TAFA1: variants seen among roughly 807,000 people sequenced by gnomAD.
TAFA1 encodes TAFA chemokine like family member 1.
In TAFA1, 4 loss-of-function variants were observed where a neutral mutation model predicts 18.5. That is an observed-to-expected ratio of 0.22 (90% CI 0.11 to 0.49). The LOEUF (loss-of-function observed/expected upper bound fraction) is 0.49, where lower values mean the gene tolerates loss of function less well. Among genes scored for constraint, TAFA1 ranks in the 20% least tolerant of loss-of-function variants. The probability of loss-of-function intolerance (pLI) is 0.98; values close to 1 mark genes in which losing one functional copy is unlikely to be tolerated. For missense variants in TAFA1, 147 were observed against 169.0 expected (o/e 0.87, Z 0.72); for synonymous variants, 56 against 55.2 (o/e 1.01, Z -0.06).
At chr3:68,412,953 C>T (rs1291601417) in intron 2 of TAFA1, among the ~76,000 whole-genome samples, 2 of 151,692 alleles carry the variant, frequency 1.3e-5, no homozygotes, top group African/African-American at 2.4e-5. Flanking sequence ...AATTGCCACA[C>T]TGACTTCCAC....
chr3:68,044,439 G>C (rs945694549), intron 2 of TAFA1, among the ~76,000 whole-genome samples: 28 of 152,032 alleles, frequency 1.8e-4, no homozygotes, highest in Non-Finnish European at 1.9e-4. Context: ...AAAAAAATCT[G>C]AACTTTCTGC....
chr3:68,132,624 C>A (rs1033664809), intron 2 of TAFA1, among the ~76,000 whole-genome samples: 3 of 152,128 alleles, frequency 2.0e-5, no homozygotes, highest in African/African-American at 7.2e-5. Flanking sequence ...CTCTTATGAC[C>A]AGTGATGATG....
At chr3:68,204,813 C>T (rs1420466783) in intron 2 of TAFA1, among the ~76,000 whole-genome samples, 2 of 151,792 alleles carry the variant, frequency 1.3e-5, no homozygotes, top group African/African-American at 2.4e-5. Flanking sequence ...GGTCATCCAG[C>T]GAGTTAATGA....
chr3:68,301,287 A>G (rs978235316), intron 2 of TAFA1, among the ~76,000 whole-genome samples: 3 of 152,062 alleles, frequency 2.0e-5, no homozygotes, highest in African/African-American at 4.8e-5. Flanking sequence ...AAGTTATCTC[A>G]CTACATAAAT....
chr3:68,218,363 A>C (rs1197693378), intron 2 of TAFA1, among the ~76,000 whole-genome samples: 1 of 152,128 alleles, frequency 6.6e-6, no homozygotes, highest in Non-Finnish European at 1.5e-5. Flanking sequence ...CTTAATATGT[A>C]GGTTAATTAA....
intron 3 of TAFA1, among the ~76,000 whole-genome samples, chr3:68,521,827 T>C (rs1244411010): frequency 1.4e-5 from 2 of 145,942 alleles, no homozygotes; most frequent in Admixed American, 7.0e-5. Flanking sequence ...AACATAGAAG[T>C]GAGTCTGGGT....
intron 2 of TAFA1, chr3:68,144,953 A>G (rs2065718815): frequency 7.2e-6 from 6 of 827,894 alleles, no homozygotes; most frequent in Non-Finnish European, 1.2e-5. Context: ...ATATAAAATA[A>G]TGACTATAAA....
chr3:68,507,156 C>T (rs2072772497), intron 3 of TAFA1, among the ~76,000 whole-genome samples: 1 of 152,028 alleles, frequency 6.6e-6, no homozygotes, highest in Non-Finnish European at 1.5e-5. Flanking sequence ...CTAGCAATGG[C>T]TGGATTAGAA....
At chr3:68,447,589 T>A (rs2071492487) in intron 3 of TAFA1, among the ~76,000 whole-genome samples, 1 of 152,236 alleles carries the variant, frequency 6.6e-6, no homozygotes, top group Admixed American at 6.5e-5. Context: ...TCCAAAGCTC[T>A]AGACAACAGT....
chr3:68,385,858 T>C (rs1235895705), intron 2 of TAFA1, among the ~76,000 whole-genome samples: 3 of 152,118 alleles, frequency 2.0e-5, no homozygotes, highest in Non-Finnish European at 2.9e-5. Flanking sequence ...TTGATACATA[T>C]AGCATGCAGT....
intron 2 of TAFA1, among the ~76,000 whole-genome samples, chr3:68,203,643 C>A (rs966803414): frequency 2.6e-5 from 4 of 151,480 alleles, no homozygotes; most frequent in African/African-American, 9.7e-5. Context: ...TTTTTCCTTC[C>A]CCCTTGGGTG....
intron 2 of TAFA1, among the ~76,000 whole-genome samples, chr3:68,332,893 T>G (rs1320627765): frequency 6.6e-6 from 1 of 152,146 alleles, no homozygotes; most frequent in East Asian, 1.9e-4. Flanking sequence ...AATAACCATA[T>G]GAAAATGTGT....
At chr3:68,296,097 CA>C (rs1185117578) in intron 2 of TAFA1, among the ~76,000 whole-genome samples, 1 of 151,994 alleles carries the variant, frequency 6.6e-6, no homozygotes, top group Non-Finnish European at 1.5e-5. Context: ...ATAGACAAAC[CA>C]ATAAATCATA....
intron 2 of TAFA1, among the ~76,000 whole-genome samples, chr3:68,202,192 AATAATATTAGC>A (rs2066476751): frequency 6.6e-6 from 1 of 151,658 alleles, no homozygotes; most frequent in Non-Finnish European, 1.5e-5. Context: ...CTTTCTTTTA[AATAATATTAGC>A]ATAGTATATT....
In TAFA1 at chr3:68,524,886, TG is replaced by T. The variant is rs370730965; in HGVS notation, c.260-13868del. Among the ~76,000 whole-genome samples the T allele has an allele frequency of 3.8e-3, 580 of 152,258 alleles. 5 individuals are homozygous for T. Among genetic ancestry groups the T allele is most frequent in the African/African-American group, 0.013 (547 of 41,554 alleles). On this transcript the variant is annotated intron_variant, in intron 3 of 4. Coordinates refer to ENST00000478136, the MANE Select transcript of TAFA1 (RefSeq NM_213609.4). ...CAGGATTTCACAGTGTTAGCCAGGA[TG>T]GTCTGGATCTCCCGACCTCGTGATC...
chr3:68,315,349 T>C (rs1367027060), intron 2 of TAFA1, among the ~76,000 whole-genome samples: 2 of 152,188 alleles, frequency 1.3e-5, no homozygotes, highest in African/African-American at 4.8e-5. Flanking sequence ...CATCATGTCC[T>C]CTCAGCTTGC....
At chr3:68,357,449 AT>A (rs1361533347) in intron 2 of TAFA1, among the ~76,000 whole-genome samples, 1 of 151,892 alleles carries the variant, frequency 6.6e-6, no homozygotes, top group Non-Finnish European at 1.5e-5. Context: ...AAACCAAATA[AT>A]TTTTTGGTTT....
At chr3:68,134,733 C>T (rs2065586458) in intron 2 of TAFA1, among the ~76,000 whole-genome samples, 1 of 152,080 alleles carries the variant, frequency 6.6e-6, no homozygotes, top group African/African-American at 2.4e-5. Flanking sequence ...ATTCTAGATG[C>T]TGGGGAGATA....
At position 68,442,394 on chromosome 3, in the gene TAFA1, A is replaced by G. The variant is rs544060823; in HGVS notation, c.259+24974A>G. Among the ~76,000 whole-genome samples, 201 of 152,228 alleles carry G rather than the reference A, an allele frequency of 1.3e-3. 11 individuals are homozygous for G. The South Asian group carries it at 0.04, about 30-fold the overall frequency. On this transcript the variant is annotated intron_variant, in intron 3 of 4. Transcript: ENST00000478136. Reference sequence around the variant, plus strand: ...TCTAAGGCCATCCATTCCCCTCCAAAGACAACTCATTTATCCATGAGGGGA... The same window carrying G: ...TCTAAGGCCATCCATTCCCCTCCAAGGACAACTCATTTATCCATGAGGGGA...
Sources: gnomAD v4.1 joint callset for allele counts (sites outside exome capture counted in the v4.1 genomes callset) on GRCh38, gnomAD v4.1.1 for gene constraint, MANE v1.5 for transcripts, NCBI Gene and HGNC (gene_info 2026-07-23, HGNC 2026-07-21) for gene names.